Variants in GNA14 observed in about 807,000 individuals in gnomAD.
GNA14 encodes guanine nucleotide-binding protein subunit alpha-14.
In GNA14, 50 loss-of-function variants were observed where a neutral mutation model predicts 42.0. The observed-to-expected ratio is 1.19, with a 90% confidence interval of 0.95 to 1.51. The LOEUF (loss-of-function observed/expected upper bound fraction) is 1.51. Ranked by LOEUF, GNA14 falls within the 40% of genes most tolerant of loss-of-function variation. The pLI, the probability that GNA14 is intolerant of heterozygous loss-of-function variation, is 0.00. For missense variants in GNA14, 473 were observed against 446.2 expected, an observed-to-expected ratio of 1.06 and a Z score of -0.54; for synonymous variants, 173 against 163.1, an observed-to-expected ratio of 1.06 and a Z score of -0.46.
chr9:77,452,837 TAA>T (rs922713743), intron 2 of GNA14, among the ~76,000 whole-genome samples: 3 of 151,662 alleles, frequency 2.0e-5, no homozygotes, highest in African/African-American at 7.3e-5. Context: ...TGTGCCCTTT[TAA>T]AAGAGGTCTG....
At chr9:77,554,112 G>A (rs1423034911) in intron 1 of GNA14, among the ~76,000 whole-genome samples, 1 of 152,158 alleles carries the variant, frequency 6.6e-6, no homozygotes, top group Admixed American at 6.6e-5. Flanking sequence ...GCCTCACCAT[G>A]AACAGGCTCT....
intron 1 of GNA14, among the ~76,000 whole-genome samples, chr9:77,608,810 C>T (rs952904579): frequency 7.4e-5 from 11 of 149,282 alleles, no homozygotes; most frequent in African/African-American, 2.7e-4. Flanking sequence ...TGGCGATGGC[C>T]CAACATCCTT....
intron 1 of GNA14, among the ~76,000 whole-genome samples, chr9:77,543,531 C>A (rs184604747): frequency 6.6e-6 from 1 of 152,210 alleles, no homozygotes; most frequent in Non-Finnish European, 1.5e-5. Flanking sequence ...CCCTTTGGAG[C>A]AATGTCACTG....
At chr9:77,518,021 G>C (rs943296627) in intron 2 of GNA14, 1 of 152,074 alleles carries the variant, frequency 6.6e-6, no homozygotes, top group African/African-American at 2.4e-5. Flanking sequence ...TTATTAACTA[G>C]GAAGCCCAAT....
chr9:77,464,824 G>A (rs1241323883), intron 2 of GNA14, among the ~76,000 whole-genome samples: 2 of 152,184 alleles, frequency 1.3e-5, no homozygotes, highest in African/African-American at 4.8e-5. Context: ...GTTAAGATGA[G>A]GTCACTTGGG....
intron 2 of GNA14, among the ~76,000 whole-genome samples, chr9:77,494,084 C>G (rs1325697645): frequency 6.6e-6 from 1 of 152,046 alleles, no homozygotes; most frequent in Non-Finnish European, 1.5e-5. Flanking sequence ...CCATGCCCGG[C>G]TAATTTTTTT....
chr9:77,431,400 G>A lies in GNA14; in HGVS notation c.514C>T (p.Gln172Ter), dbSNP rs1835551738. Residue 172 changes from glutamine (Q) to a stop codon, truncating the protein, a stop_gained, in exon 4 of 7, where the codon CAA becomes TAA. Coordinates refer to ENST00000341700, the MANE Select transcript of GNA14 (RefSeq NM_004297.4). LOFTEE classifies it high-confidence loss of function. ...RIATPSFVPT[Q>*]QDVLRVRVPT... Reference sequence around the variant, plus strand: ...ACTCGGACGCGAAGCACATCTTGTTGGGTAGGCACGAATGATGGTGTGGCG... The same window carrying A: ...ACTCGGACGCGAAGCACATCTTGTTAGGTAGGCACGAATGATGGTGTGGCG... 2 of 1,613,466 alleles carry A rather than the reference G, an allele frequency of 1.2e-6. No homozygotes were observed. Among genetic ancestry groups the A allele is most frequent in the Admixed American group, 1.7e-5 (1 of 60,002 alleles).
intron 5 of GNA14, among the ~76,000 whole-genome samples, chr9:77,426,514 C>T (rs112314399): frequency 0.029 from 4,390 of 152,208 alleles, 195 homozygotes; most frequent in East Asian, 0.18. Context: ...CCGTGTTAGC[C>T]AGGATGGTCT....
intron 2 of GNA14, among the ~76,000 whole-genome samples, chr9:77,495,813 A>G (rs1233421452): frequency 6.6e-6 from 1 of 152,236 alleles, no homozygotes; most frequent in African/African-American, 2.4e-5. Flanking sequence ...TTGTTTTTTA[A>G]TGCTCTGTTT....
chr9:77,467,435 G>A (rs1836255627), intron 2 of GNA14, among the ~76,000 whole-genome samples: 1 of 151,212 alleles, frequency 6.6e-6, no homozygotes, highest in Non-Finnish European at 1.5e-5. Context: ...CCACGCTTCT[G>A]GAGCCCTTGG....
chr9:77,528,720 A>G (rs2131767758), intron 2 of GNA14, among the ~76,000 whole-genome samples: 1 of 152,314 alleles, frequency 6.6e-6, no homozygotes, highest in South Asian at 2.1e-4. Context: ...TGGCCACTGT[A>G]AACCCAATGT....
chr9:77,554,701 A>G (rs1382446410), intron 1 of GNA14, among the ~76,000 whole-genome samples: 1 of 152,196 alleles, frequency 6.6e-6, no homozygotes, highest in Non-Finnish European at 1.5e-5. Context: ...CTGCACTGTA[A>G]TTCCTTTCTA....
At chr9:77,492,206 T>A (rs1355366968) in intron 2 of GNA14, among the ~76,000 whole-genome samples, 1 of 151,892 alleles carries the variant, frequency 6.6e-6, no homozygotes, top group East Asian at 1.9e-4. Context: ...ATTAAAAAAC[T>A]AGAAAGACTT....
intron 1 of GNA14, among the ~76,000 whole-genome samples, chr9:77,628,472 A>G (rs1367196746): frequency 6.6e-6 from 1 of 152,188 alleles, no homozygotes; most frequent in Non-Finnish European, 1.5e-5. Flanking sequence ...GCAGCATACT[A>G]CCTGACTTCA....
intron 1 of GNA14, among the ~76,000 whole-genome samples, chr9:77,576,579 G>T (rs1823131079): frequency 6.6e-6 from 1 of 151,928 alleles, no homozygotes; most frequent in Non-Finnish European, 1.5e-5. Flanking sequence ...CATGGTGTCA[G>T]GGAACTCTAA....
intron 2 of GNA14, among the ~76,000 whole-genome samples, chr9:77,528,260 C>T (rs752416681): frequency 6.6e-6 from 1 of 152,068 alleles, no homozygotes; most frequent in Non-Finnish European, 1.5e-5. Context: ...CACAGATCCA[C>T]GAGAGACCCA....
chr9:77,540,394 T>C (rs1433709340), intron 1 of GNA14, among the ~76,000 whole-genome samples: 3 of 152,166 alleles, frequency 2.0e-5, no homozygotes, highest in African/African-American at 7.2e-5. Context: ...GCCTAAAACA[T>C]GGTCTATTAT....
intron 1 of GNA14, among the ~76,000 whole-genome samples, chr9:77,583,010 C>T (rs1564059342): frequency 6.6e-6 from 1 of 152,214 alleles, no homozygotes; most frequent in Non-Finnish European, 1.5e-5. Flanking sequence ...GTGATGAATG[C>T]AGTGCTAGCA....
At chr9:77,619,247 C>T (rs546100055) in intron 1 of GNA14, among the ~76,000 whole-genome samples, 1 of 152,102 alleles carries the variant, frequency 6.6e-6, no homozygotes, top group Non-Finnish European at 1.5e-5. Flanking sequence ...GCTCTTTTTG[C>T]CCAGGCTGGA....
Sources: allele counts gnomAD v4.1 joint callset (sites outside exome capture counted in the v4.1 genomes callset), GRCh38; gene constraint gnomAD v4.1.1; transcripts MANE v1.5; gene names NCBI Gene and HGNC (gene_info 2026-07-23, HGNC 2026-07-21).